The following CNTNAP5 variants were observed in gnomAD, a reference collection of about 807,000 sequenced individuals.
CNTNAP5 encodes the protein contactin associated protein family member 5, also known as contactin-associated protein-like 5.
CNTNAP5 carries 72 observed loss-of-function variants against 150.2 expected under a neutral mutation model. The ratio of observed to expected loss-of-function variants is 0.48; its 90% confidence interval spans 0.40 to 0.58. CNTNAP5 has a LOEUF of 0.58. Among genes scored for constraint, CNTNAP5 ranks in the 20% least tolerant of loss-of-function variants. The probability of loss-of-function intolerance (pLI) is 0.00; values close to 1 mark genes in which losing one functional copy is unlikely to be tolerated. For missense variants in CNTNAP5, 1,636 were observed against 1,626.2 expected (o/e 1.01, Z -0.10); for synonymous variants, 672 against 619.8 (o/e 1.08, Z -1.25).
chr2:124,261,770 A>G (rs1477887168), intron 3 of CNTNAP5, among the ~76,000 whole-genome samples: 1 of 152,204 alleles, frequency 6.6e-6, no homozygotes, highest in Non-Finnish European at 1.5e-5. Context: ...CTGTTCAGGT[A>G]CCAGTCCTCC....
Position 124,025,288 on chromosome 2 carries a change from A to C in CNTNAP5, c.-363A>C. The stretch of plus-strand genomic sequence containing the variant: ...GGAGCTGTCCGCCACCCGGGTGCTG[A>C]TTCCAGCTCTCGCGCCCGACGAGGT... On this transcript the variant is annotated 5_prime_UTR_variant, in exon 1 of 24. Coordinates refer to ENST00000682447, the MANE Select transcript of CNTNAP5 (RefSeq NM_001367498.1). 3.9e-6 allele frequency: 1 copy of C among 257,010 alleles called. No homozygotes were observed. The highest frequency in any genetic ancestry group is 7.8e-6 in the Non-Finnish European group (1 of 128,436). The allele number at this position is 257,010 out of a possible 1,614,324, so 15.9% of individuals were successfully genotyped here. A position where few individuals can be genotyped will look rare whatever the true frequency, so the allele number is the denominator to read the frequency against.
intron 11 of CNTNAP5, among the ~76,000 whole-genome samples, chr2:124,586,919 T>A (rs568088120): frequency 6.6e-6 from 1 of 152,296 alleles, no homozygotes; most frequent in Non-Finnish European, 1.5e-5. Flanking sequence ...AGCTCCTACC[T>A]CTGTGAAGGG....
intron 13 of CNTNAP5, among the ~76,000 whole-genome samples, chr2:124,677,937 G>A (rs968533634): frequency 6.6e-6 from 1 of 151,968 alleles, no homozygotes; most frequent in African/African-American, 2.4e-5. Flanking sequence ...CACTCCAAGA[G>A]AGGAGTGGGC....
chr2:124,725,618 G>T (rs931750629), intron 13 of CNTNAP5, among the ~76,000 whole-genome samples: 2 of 151,990 alleles, frequency 1.3e-5, no homozygotes, highest in African/African-American at 4.8e-5. Flanking sequence ...AAAGTATGCA[G>T]TACAGTAGTA....
intron 6 of CNTNAP5, among the ~76,000 whole-genome samples, chr2:124,472,638 G>A (rs969994214): frequency 2.6e-5 from 4 of 151,452 alleles, no homozygotes; most frequent in Admixed American, 6.6e-5. Context: ...CGTTCCAGAC[G>A]AATGCAATAA....
chr2:124,679,655 G>A (rs568567483), intron 13 of CNTNAP5, among the ~76,000 whole-genome samples: 6 of 151,428 alleles, frequency 4.0e-5, no homozygotes, highest in South Asian at 2.1e-4. Context: ...TGCAGCCTCC[G>A]GCTCCCTGGC....
chr2:124,897,671 A>C (rs1194306557), intron 21 of CNTNAP5, among the ~76,000 whole-genome samples: 1 of 151,452 alleles, frequency 6.6e-6, no homozygotes, highest in South Asian at 2.1e-4. Flanking sequence ...TGAACAATCC[A>C]TACCTACAGA....
chr2:124,811,134 A>G (rs1310259898), intron 19 of CNTNAP5, among the ~76,000 whole-genome samples: 1 of 83,834 alleles, frequency 1.2e-5, no homozygotes, highest in Non-Finnish European at 2.3e-5. Flanking sequence ...TGATAGACCT[A>G]TACAGAAAGC....
chr2:124,681,446 CTTG>C (rs773594419), intron 13 of CNTNAP5, among the ~76,000 whole-genome samples: 128 of 152,034 alleles, frequency 8.4e-4, no homozygotes, highest in African/African-American at 2.9e-3. Context: ...TGCTGTTTTT[CTTG>C]TTGTTGCGTG....
At chr2:124,873,331 C>T (rs1181492980) in intron 21 of CNTNAP5, among the ~76,000 whole-genome samples, 1 of 152,060 alleles carries the variant, frequency 6.6e-6, no homozygotes. Flanking sequence ...AGCCAATCAC[C>T]ACCCACCAGG....
chr2:124,803,119 A>T (rs1162618408), intron 19 of CNTNAP5, among the ~76,000 whole-genome samples: 3 of 152,100 alleles, frequency 2.0e-5, no homozygotes, highest in Non-Finnish European at 4.4e-5. Context: ...CTTCAAAAAA[A>T]AAAAAAAAGA....
intron 7 of CNTNAP5, among the ~76,000 whole-genome samples, chr2:124,500,751 C>CTG (rs1694259819): frequency 6.6e-6 from 1 of 152,030 alleles, no homozygotes; most frequent in African/African-American, 2.4e-5. Context: ...ATCTTTGGCC[C>CTG]AGCACTTCTG....
chr2:124,547,589 G>T (rs941305880), intron 10 of CNTNAP5, among the ~76,000 whole-genome samples: 2 of 152,262 alleles, frequency 1.3e-5, no homozygotes, highest in Middle Eastern at 3.4e-3. Context: ...GTGGCTGCTC[G>T]TATTCATCTC....
intron 19 of CNTNAP5, among the ~76,000 whole-genome samples, chr2:124,862,003 G>A (rs534646008): frequency 6.4e-4 from 97 of 152,152 alleles, no homozygotes; most frequent in Non-Finnish European, 1.1e-3. Flanking sequence ...TTGTAGAGAT[G>A]GGGTTTCACC....
intron 11 of CNTNAP5, among the ~76,000 whole-genome samples, chr2:124,583,980 C>T (rs1696471105): frequency 6.6e-6 from 1 of 152,174 alleles, no homozygotes. Context: ...GCTCCCGCAC[C>T]TCCTCACATC....
chr2:124,646,325 C>A (rs1252119852), intron 12 of CNTNAP5, among the ~76,000 whole-genome samples: 1 of 152,162 alleles, frequency 6.6e-6, no homozygotes, highest in Admixed American at 6.5e-5. Context: ...TGTGCTTCTG[C>A]CTTGTAGCTG....
intron 13 of CNTNAP5, among the ~76,000 whole-genome samples, chr2:124,706,904 G>GAGAAGAGGAAGAGGAAGAAGA (rs1558743250): frequency 0.13 from 681 of 5,284 alleles, 80 homozygotes; most frequent in Middle Eastern, 0.21. Flanking sequence ...GAAGAAGAAG[G>GAGAAGAGGAAGAGGAAGAAGA]AGGAGGAGGA....
In CNTNAP5 at chr2:124,914,495, A is replaced by G. The variant is rs1440937055; in HGVS notation, c.*207A>G. On this transcript the variant is annotated 3_prime_UTR_variant, in exon 24 of 24. Coordinates refer to ENST00000682447, the MANE Select transcript of CNTNAP5 (RefSeq NM_001367498.1). ...TGGCCACTGCCTTCCTCTCTGATGA[A>G]CCTATCGGGTGAAAACGACCACTCA... 1.8e-6 allele frequency: 1 copy of G among 549,594 alleles called. No homozygotes were observed. Among genetic ancestry groups the G allele is most frequent in the African/African-American group, 1.9e-5 (1 of 52,504 alleles). 34.0% of individuals were successfully genotyped at this position (549,594 alleles called of 1,614,324 possible). A position where few individuals can be genotyped will look rare whatever the true frequency, so the allele number is the denominator to read the frequency against.
Position 124,431,879 on chromosome 2 carries a change from G to T in CNTNAP5, c.530-2605G>T, listed in dbSNP as rs547598949. Reference sequence around the variant, plus strand: ...AAACTTAACCCCAGTCAGACACCTGGTGAGTAGTAGAGCTGCTCTATAGAG... The same window carrying T: ...AAACTTAACCCCAGTCAGACACCTGTTGAGTAGTAGAGCTGCTCTATAGAG... On this transcript the variant is annotated intron_variant, in intron 4 of 23. Coordinates refer to ENST00000682447, the MANE Select transcript of CNTNAP5 (RefSeq NM_001367498.1). Among the ~76,000 whole-genome samples, 17 of 152,148 alleles carry T rather than the reference G, an allele frequency of 1.1e-4. No homozygotes were observed. The South Asian group carries it at 3.5e-3, about 32-fold the overall frequency.
Sources: allele counts gnomAD v4.1 joint callset (sites outside exome capture counted in the v4.1 genomes callset), GRCh38; gene constraint gnomAD v4.1.1; transcripts MANE v1.5; gene names NCBI Gene and HGNC (gene_info 2026-07-23, HGNC 2026-07-21).